DLGAP2: variants seen among roughly 807,000 people sequenced by gnomAD.
DLGAP2 encodes the protein DLG associated protein 2, also known as disks large-associated protein 2.
Under a neutral mutation model 100.3 loss-of-function variants are expected in DLGAP2, and 26 were observed. The ratio of observed to expected loss-of-function variants is 0.26; its 90% CI spans 0.19 to 0.36. The LOEUF (loss-of-function observed/expected upper bound fraction) is 0.36. DLGAP2 is among the 10% of genes least tolerant of loss of function. The pLI is 1.00. For synonymous variants in DLGAP2, 886 were observed against 630.1 expected (o/e 1.41, Z -6.08); for missense variants, 1,858 against 1,453.2 (o/e 1.28, Z -4.53).
intron 13 of DLGAP2, among the ~76,000 whole-genome samples, chr8:1,693,632 G>A (rs1799308627): frequency 6.6e-6 from 1 of 152,098 alleles, no homozygotes; most frequent in Non-Finnish European, 1.5e-5. Flanking sequence ...CACATCAAAG[G>A]ATGCACAAGC....
chr8:1,041,803 C>G (rs954485548), intron 2 of DLGAP2, among the ~76,000 whole-genome samples: 1 of 151,968 alleles, frequency 6.6e-6, no homozygotes, highest in Admixed American at 6.5e-5. Flanking sequence ...AGCCCCTTGT[C>G]GTGGGTGAGT....
At chr8:1,022,484 C>G (rs1801654783) in intron 2 of DLGAP2, among the ~76,000 whole-genome samples, 1 of 149,578 alleles carries the variant, frequency 6.7e-6, no homozygotes, top group African/African-American at 2.5e-5. Context: ...TCCATCCTCC[C>G]TGGGATTGGA....
chr8:1,559,625 C>A (rs930673578), intron 5 of DLGAP2, among the ~76,000 whole-genome samples: 2 of 152,192 alleles, frequency 1.3e-5, no homozygotes, highest in Non-Finnish European at 1.5e-5. Context: ...AGAAAAAAAT[C>A]TTTACTTTGT....
intron 3 of DLGAP2, among the ~76,000 whole-genome samples, chr8:1,416,083 A>G (rs1343622249): frequency 6.6e-6 from 1 of 152,246 alleles, no homozygotes; most frequent in Admixed American, 6.5e-5. Flanking sequence ...TTAGATGACA[A>G]AAACATAGAG....
chr8:835,271 T>C (rs1796851728), intron 1 of DLGAP2, among the ~76,000 whole-genome samples: 1 of 152,194 alleles, frequency 6.6e-6, no homozygotes, highest in African/African-American at 2.4e-5. Flanking sequence ...TTTCTCTTTA[T>C]ATTCTTGAAA....
intron 3 of DLGAP2, among the ~76,000 whole-genome samples, chr8:1,409,591 A>G (rs1278909796): frequency 6.6e-6 from 1 of 152,188 alleles, no homozygotes; most frequent in East Asian, 1.9e-4. Context: ...CTAGACTGGG[A>G]TAGGGGATGC....
chr8:926,920 C>T (rs1041962745), intron 2 of DLGAP2: 3 of 677,308 alleles, frequency 4.4e-6, no homozygotes, highest in Non-Finnish European at 3.6e-6. Context: ...CCAGGTGTTC[C>T]CTGAGCCGGA....
intron 1 of DLGAP2, among the ~76,000 whole-genome samples, chr8:797,882 C>T (rs1420708411): frequency 6.6e-6 from 1 of 152,108 alleles, no homozygotes; most frequent in East Asian, 1.9e-4. Flanking sequence ...TCCTGAGTAG[C>T]TGGGATTACA....
At chr8:995,002 T>C (rs1420824760) in intron 2 of DLGAP2, among the ~76,000 whole-genome samples, 2 of 152,202 alleles carry the variant, frequency 1.3e-5, no homozygotes, top group Non-Finnish European at 2.9e-5. Context: ...CAACTTACCT[T>C]TCAAGGTTCT....
intron 1 of DLGAP2, among the ~76,000 whole-genome samples, chr8:800,860 G>C (rs977140638): frequency 6.6e-6 from 1 of 152,122 alleles, no homozygotes; most frequent in African/African-American, 2.4e-5. Flanking sequence ...CGTCTCCAAG[G>C]CCGGGTCTGT....
chr8:943,463 T>C (rs1402231571), intron 2 of DLGAP2, among the ~76,000 whole-genome samples: 2 of 152,234 alleles, frequency 1.3e-5, no homozygotes, highest in Non-Finnish European at 2.9e-5. Flanking sequence ...AGAGCTCCGG[T>C]GTGTGGACGT....
chr8:944,472 T>C (rs183632852), intron 2 of DLGAP2, among the ~76,000 whole-genome samples: 1 of 152,058 alleles, frequency 6.6e-6, no homozygotes, highest in East Asian at 1.9e-4. Flanking sequence ...ATCCAGTGGG[T>C]GGTAACCAGT....
intron 1 of DLGAP2, among the ~76,000 whole-genome samples, chr8:830,103 A>G (rs1796753531): frequency 6.6e-6 from 1 of 152,240 alleles, no homozygotes; most frequent in Non-Finnish European, 1.5e-5. Flanking sequence ...AAATGTACCT[A>G]TCTGCCCTCT....
chr8:1,142,699 G>A (rs1434422450), intron 2 of DLGAP2, among the ~76,000 whole-genome samples: 1 of 152,132 alleles, frequency 6.6e-6, no homozygotes, highest in African/African-American at 2.4e-5. Context: ...TGCTAGGGCA[G>A]GACGGGGCTG....
intron 6 of DLGAP2, among the ~76,000 whole-genome samples, chr8:1,606,834 C>A (rs527727108): frequency 1.5e-4 from 23 of 152,280 alleles, no homozygotes; most frequent in Admixed American, 1.4e-3. Context: ...CAGATGTACA[C>A]CACCACACCC....
At chr8:833,446 G>A (rs1244708374) in intron 1 of DLGAP2, among the ~76,000 whole-genome samples, 1 of 152,208 alleles carries the variant, frequency 6.6e-6, no homozygotes, top group Non-Finnish European at 1.5e-5. Flanking sequence ...GCGTTTCCCA[G>A]CTTTGGAGGG....
At chr8:1,376,428 C>T (rs1285869165) in intron 3 of DLGAP2, among the ~76,000 whole-genome samples, 1 of 152,256 alleles carries the variant, frequency 6.6e-6, no homozygotes. Context: ...CCTCTGTGCC[C>T]ACCTGCTGGT....
At chr8:1,020,941 G>A (rs527303632) in intron 2 of DLGAP2, among the ~76,000 whole-genome samples, 1 of 152,148 alleles carries the variant, frequency 6.6e-6, no homozygotes, top group Non-Finnish European at 1.5e-5. Flanking sequence ...TTAAGAGCAG[G>A]CAAAGCAATT....
At chr8:1,389,258 C>G (rs375873555) in intron 3 of DLGAP2, among the ~76,000 whole-genome samples, 1 of 139,704 alleles carries the variant, frequency 7.2e-6, no homozygotes, top group African/African-American at 3.3e-5. Flanking sequence ...TGGAAGGCGA[C>G]GTGGCTTCCT....
Sources: gnomAD v4.1 joint callset for allele counts (sites outside exome capture counted in the v4.1 genomes callset) on GRCh38, gnomAD v4.1.1 for gene constraint, MANE v1.5 for transcripts, NCBI Gene and HGNC (gene_info 2026-07-23, HGNC 2026-07-21) for gene names.